TTC29: variants seen among roughly 807,000 people sequenced by gnomAD.
TTC29 encodes the protein tetratricopeptide repeat protein 29.
TTC29 carries 49 observed loss-of-function variants against 58.1 expected under a neutral mutation model. The observed-to-expected ratio is 0.84, with a 90% confidence interval of 0.67 to 1.07. TTC29 has a LOEUF of 1.07. Ranked by LOEUF, TTC29 falls within the 50% of genes least tolerant of loss-of-function variation. TTC29 has a pLI of 0.00. For missense variants in TTC29, 582 were observed against 555.6 expected, an observed-to-expected ratio of 1.05 and a Z score of -0.48; for synonymous variants, 209 against 196.8, an observed-to-expected ratio of 1.06 and a Z score of -0.52.
intron 11 of TTC29, among the ~76,000 whole-genome samples, chr4:146,801,465 G>C (rs1304027918): frequency 6.6e-6 from 1 of 151,872 alleles, no homozygotes; most frequent in Non-Finnish European, 1.5e-5. Context: ...TTCTAATGTA[G>C]GTGAAATAAA....
At chr4:146,911,118 C>G (rs1052024954) in intron 4 of TTC29, among the ~76,000 whole-genome samples, 18 of 152,134 alleles carry the variant, frequency 1.2e-4, no homozygotes, top group African/African-American at 4.3e-4. Context: ...TCCCTATACG[C>G]AAGGGCATGC....
chr4:146,773,614 T>C (rs1747880310), intron 11 of TTC29, among the ~76,000 whole-genome samples: 1 of 152,118 alleles, frequency 6.6e-6, no homozygotes, highest in Non-Finnish European at 1.5e-5. Context: ...ATTAGTTTGG[T>C]GATATACTGC....
At chr4:146,822,483 C>A (rs942519225) in intron 9 of TTC29, among the ~76,000 whole-genome samples, 2 of 152,134 alleles carry the variant, frequency 1.3e-5, no homozygotes, top group Non-Finnish European at 2.9e-5. Context: ...TCCAGTCTAT[C>A]ATTGATGGGC....
intron 11 of TTC29, among the ~76,000 whole-genome samples, chr4:146,748,276 C>T (rs1409785832): frequency 1.3e-5 from 2 of 152,192 alleles, no homozygotes; most frequent in Non-Finnish European, 1.5e-5. Context: ...GCCTGAGCTT[C>T]TAGGGTATGC....
At chr4:146,830,635 T>C (rs1028289292) in intron 9 of TTC29, among the ~76,000 whole-genome samples, 4 of 152,222 alleles carry the variant, frequency 2.6e-5, no homozygotes, top group Non-Finnish European at 4.4e-5. Context: ...CATATGCAAC[T>C]TGATTTATTT....
intron 6 of TTC29, among the ~76,000 whole-genome samples, chr4:146,900,710 C>T (rs998583967): frequency 3.9e-5 from 6 of 152,234 alleles, no homozygotes; most frequent in Middle Eastern, 3.4e-3. Flanking sequence ...GGAGTTGCTG[C>T]TTAATGAGTA....
intron 11 of TTC29, among the ~76,000 whole-genome samples, chr4:146,785,193 C>G (rs1748919273): frequency 1.2e-5 from 1 of 83,370 alleles, no homozygotes; most frequent in South Asian, 3.8e-4. Flanking sequence ...TAACTTGCTG[C>G]CTTTTTTTTT....
At chr4:146,708,773 A>ATTAT (rs1742257466) in intron 11 of TTC29, among the ~76,000 whole-genome samples, 1 of 151,976 alleles carries the variant, frequency 6.6e-6, no homozygotes, top group Non-Finnish European at 1.5e-5. Flanking sequence ...TATTTGATTC[A>ATTAT]TTATTTTAGC....
intron 8 of TTC29, among the ~76,000 whole-genome samples, chr4:146,838,429 A>G (rs1728649288): frequency 6.6e-6 from 1 of 152,040 alleles, no homozygotes; most frequent in African/African-American, 2.4e-5. Context: ...TATCTGTCTT[A>G]GAGAAAGTAG....
intron 11 of TTC29, among the ~76,000 whole-genome samples, chr4:146,720,456 C>T (rs1193110814): frequency 6.6e-6 from 1 of 152,008 alleles, no homozygotes; most frequent in East Asian, 1.9e-4. Context: ...ATTCATGGGG[C>T]ATCATATCAC....
At chr4:146,796,256 C>A (rs559120496) in intron 11 of TTC29, among the ~76,000 whole-genome samples, 15 of 152,058 alleles carry the variant, frequency 9.9e-5, no homozygotes, top group Non-Finnish European at 2.1e-4. Flanking sequence ...ATAATAATTT[C>A]ATTAGTTTTT....
At chr4:146,747,585 C>T (rs1230276378) in intron 11 of TTC29, among the ~76,000 whole-genome samples, 9 of 152,214 alleles carry the variant, frequency 5.9e-5, no homozygotes, top group Non-Finnish European at 1.5e-5. Context: ...TGGTGTCCCA[C>T]CCACTGGCAG....
chr4:146,800,860 G>A (rs10519820), intron 11 of TTC29, among the ~76,000 whole-genome samples: 9,240 of 152,198 alleles, frequency 0.061, 388 homozygotes, highest in Admixed American at 0.13. Flanking sequence ...CAGTTAAGGC[G>A]ATTACAGAAA....
At chr4:146,923,654 T>C (rs1042935942) in intron 4 of TTC29, among the ~76,000 whole-genome samples, 3 of 151,874 alleles carry the variant, frequency 2.0e-5, no homozygotes, top group Admixed American at 1.3e-4. Flanking sequence ...GTAACATCAT[T>C]GAAATGAAAG....
At chr4:146,853,239 TAA>T (rs765581635) in intron 8 of TTC29, among the ~76,000 whole-genome samples, 4 of 152,114 alleles carry the variant, frequency 2.6e-5, no homozygotes, top group Middle Eastern at 3.2e-3. Flanking sequence ...ATAGAAAAAT[TAA>T]AGTCATTCAT....
At chr4:146,819,129 T>C (rs535381846) in intron 10 of TTC29, among the ~76,000 whole-genome samples, 3 of 149,846 alleles carry the variant, frequency 2.0e-5, no homozygotes, top group Non-Finnish European at 3.0e-5. Context: ...AATAAATAAA[T>C]AAATAATAAA....
At chr4:146,777,881 G>C (rs1187296040) in intron 11 of TTC29, among the ~76,000 whole-genome samples, 5 of 152,208 alleles carry the variant, frequency 3.3e-5, no homozygotes, top group African/African-American at 1.2e-4. Context: ...TGAGAAACTA[G>C]AAGAATGGAT....
intron 10 of TTC29, among the ~76,000 whole-genome samples, chr4:146,817,437 A>G (rs1440036336): frequency 6.6e-6 from 1 of 152,210 alleles, no homozygotes; most frequent in Non-Finnish European, 1.5e-5. Context: ...AAAAGAGGAT[A>G]CAAACAAATG....
At chr4:146,935,700 C>T (rs1735754670) in intron 4 of TTC29, among the ~76,000 whole-genome samples, 1 of 152,124 alleles carries the variant, frequency 6.6e-6, no homozygotes, top group South Asian at 2.1e-4. Context: ...TGTTAAGGCT[C>T]CAGGATGGGG....
Sources: gnomAD v4.1 joint callset for allele counts (sites outside exome capture counted in the v4.1 genomes callset) on GRCh38, gnomAD v4.1.1 for gene constraint, MANE v1.5 for transcripts, NCBI Gene and HGNC (gene_info 2026-07-23, HGNC 2026-07-21) for gene names.